The following EXD3 variants were observed in gnomAD, a reference collection of about 807,000 sequenced individuals.
EXD3 encodes exonuclease mut-7 homolog.
EXD3 carries 92 observed loss-of-function variants against 98.0 expected under a neutral mutation model. The observed-to-expected ratio is 0.94, with a 90% CI of 0.79 to 1.12. The LOEUF is 1.12. Among genes scored for constraint, EXD3 ranks in the 50% most tolerant of loss-of-function variants. The probability of loss-of-function intolerance (pLI) is 0.00; values close to 1 mark genes in which losing one functional copy is unlikely to be tolerated. For missense variants in EXD3, 1,222 were observed against 1,191.6 expected (o/e 1.03, Z -0.38); for synonymous variants, 569 against 526.0 (o/e 1.08, Z -1.12).
chr9:137,355,661 GAAGGAGAA>G (rs1834704098), intron 8 of EXD3, among the ~76,000 whole-genome samples: 5 of 122,038 alleles, frequency 4.1e-5, no homozygotes, highest in African/African-American at 1.5e-4. Flanking sequence ...GAGGAAGGAG[GAAGGAGAA>G]AGGGAGGATG....
rs1459769482 is a variant in EXD3, at chr9:137,361,502, C to T, written c.656+4991G>A. On this transcript the variant is annotated intron_variant, in intron 7 of 21. Transcript: ENST00000340951. The stretch of plus-strand genomic sequence containing the variant: ...GTGGCTCATGCCTGTAATCCCAGCA[C>T]TTTGGGAGGCCAAGGTGGGTGGATT... 4.6e-5 allele frequency among the ~76,000 whole-genome samples: 2 copies of T among 43,874 alleles called. 1 individual carries two copies. The highest frequency in any genetic ancestry group is 6.2e-4 in the Admixed American group (2 of 3,228). The allele number at this position is 43,874 out of a possible 152,430, so 28.8% of individuals were successfully genotyped here.
At chr9:137,330,729 G>T (rs548513089) in intron 17 of EXD3, among the ~76,000 whole-genome samples, 1 of 152,250 alleles carries the variant, frequency 6.6e-6, no homozygotes, top group Non-Finnish European at 1.5e-5. Context: ...AGAGCTACAA[G>T]AATAAACCCG....
intron 17 of EXD3, among the ~76,000 whole-genome samples, chr9:137,339,496 CAAAAAA>C (rs57029740): frequency 8.1e-4 from 75 of 92,684 alleles, no homozygotes; most frequent in African/African-American, 2.7e-3. Context: ...GACGCCACTT[CAAAAAA>C]AAAAAAAAAA....
Position 137,405,280 on chromosome 9 carries a change from G to A in EXD3, c.-47-9876C>T, listed in dbSNP as rs982741306. Among the ~76,000 whole-genome samples the A allele has an allele frequency of 1.3e-5, 2 of 152,216 alleles. No individual in the cohort carries two copies. Among genetic ancestry groups the A allele is most frequent in the African/African-American group, 4.8e-5 (2 of 41,454 alleles). On this transcript the variant is annotated intron_variant, in intron 1 of 21. Coordinates refer to ENST00000340951, the MANE Select transcript of EXD3 (RefSeq NM_017820.5). This position sits in a 1 kb window ranked among gnomAD's most constrained non-coding sequence, Gnocchi z 4.1. ...GCCAGCACCCCCGGGGGAAGGCGGT[G>A]GGCACCCAGGGCCAGAGCAGGGGCC...
rs375007003 is a variant in EXD3, at chr9:137,383,328, C to A, written c.105G>T (p.Thr35=). The stretch of plus-strand genomic sequence containing the variant: ...GTCCACTCACCTGCTTCCGCTCCCG[C>A]GTGGACCACAGGGTCTGCAGGGCCT... ...LLQALQTLWS[T]RERKQLREEA... The change falls in exon 3 of 22, where the codon ACG becomes ACT. Residue 35 remains threonine, a synonymous_variant. Coordinates refer to ENST00000340951, the MANE Select transcript of EXD3 (RefSeq NM_017820.5). The A allele has an allele frequency of 6.5e-7, 1 of 1,550,108 alleles. No individual in the cohort carries two copies. The highest frequency in any genetic ancestry group is 1.2e-5 in the South Asian group (1 of 83,972).
At chr9:137,365,783 A>C (rs1835209882) in intron 7 of EXD3, 1 of 330,062 alleles carries the variant, frequency 3.0e-6, no homozygotes, top group Non-Finnish European at 5.9e-6. Flanking sequence ...ACGAAAACAC[A>C]CGTACACCTG....
chr9:137,385,047 G>A lies in EXD3; in HGVS notation c.56-1670C>T, dbSNP rs190140824. 4.6e-5 allele frequency among the ~76,000 whole-genome samples: 7 copies of A among 152,218 alleles called. No individual in the cohort carries two copies. Among genetic ancestry groups the A allele is most frequent in the Non-Finnish European group, 1.0e-4 (7 of 68,004 alleles). Reference sequence around the variant, plus strand: ...GCGGAGGTCGCAGTGAGCCGAGATCGGGCCACTGCACTCCAGCCTGGGCAA... The same window carrying A: ...GCGGAGGTCGCAGTGAGCCGAGATCAGGCCACTGCACTCCAGCCTGGGCAA... On this transcript the variant is annotated intron_variant, in intron 2 of 21. Coordinates refer to ENST00000340951, the MANE Select transcript of EXD3 (RefSeq NM_017820.5). This position sits in a 1 kb window ranked among gnomAD's most constrained non-coding sequence, Gnocchi z 4.4.
Position 137,373,585 on chromosome 9 carries a change from G to A in EXD3, c.135C>T (p.Ala45=), listed in dbSNP as rs1193228990. Residue 45 remains alanine (A), a synonymous_variant, in exon 4 of 22, where the codon GCC becomes GCT. Transcript: ENST00000340951. ...TRERKQLREE[A]WRGFAALDDP... is the part of the protein sequence containing the mutation. The stretch of plus-strand genomic sequence containing the variant: ...CGTCCAAGGCAGCAAACCCCCGCCA[G>A]GCTTCCTCCCGGAGCTGTGGAGACA... 6.2e-7 allele frequency: 1 copy of A among 1,601,964 alleles called. No homozygotes were observed. Among genetic ancestry groups the A allele is most frequent in the East Asian group, 2.3e-5 (1 of 44,388 alleles).
Position 137,367,971 on chromosome 9 carries a change from T to C in EXD3, c.481A>G (p.Thr161Ala), listed in dbSNP as rs1835356445. The C allele has an allele frequency of 1.7e-5, 27 of 1,611,588 alleles. No individual in the cohort carries two copies. The highest frequency in any genetic ancestry group is 2.2e-5 in the Non-Finnish European group (26 of 1,179,686). Residue 161 changes from threonine to alanine, a missense_variant, in exon 6 of 22, where the codon ACG (threonine) becomes GCG (alanine). Coordinates refer to ENST00000340951, the MANE Select transcript of EXD3 (RefSeq NM_017820.5). Reference sequence around the variant, plus strand: ...CCAAGCTCCGACTGCAGCTTCAACGTCGCGCCCAGCGTGGCTGCCTGGCAA... The same window carrying C: ...CCAAGCTCCGACTGCAGCTTCAACGCCGCGCCCAGCGTGGCTGCCTGGCAA... ...RFREAATLGA[T>A]LKLQSELGVE...
At position 137,347,572 on chromosome 9, in the gene EXD3, T is replaced by C. The variant is rs1186708850; in HGVS notation, c.1998+499A>G. 1.3e-5 allele frequency among the ~76,000 whole-genome samples: 2 copies of C among 151,804 alleles called. No individual in the cohort carries two copies. Among genetic ancestry groups the C allele is most frequent in the Non-Finnish European group, 2.9e-5 (2 of 67,934 alleles). The stretch of plus-strand genomic sequence containing the variant: ...GATTCTCGTGTCTCAGCCTCCTGAG[T>C]AGTTGGGATTACAGGCGCCCGCCAC... On this transcript the variant is annotated intron_variant, in intron 17 of 21. Coordinates refer to ENST00000340951, the MANE Select transcript of EXD3 (RefSeq NM_017820.5). The surrounding 1 kb of genome is among the most constrained non-coding windows in gnomAD (Gnocchi z 4.2).
At chr9:137,391,122 C>T (rs917910867) in intron 2 of EXD3, among the ~76,000 whole-genome samples, 1 of 152,164 alleles carries the variant, frequency 6.6e-6, no homozygotes, top group African/African-American at 2.4e-5. Context: ...CCTCGGCCGC[C>T]GCCCTTCCTC....
chr9:137,406,721 T>TC (rs1448714346), intron 1 of EXD3, among the ~76,000 whole-genome samples: 6 of 151,972 alleles, frequency 3.9e-5, no homozygotes, highest in Non-Finnish European at 7.4e-5. Flanking sequence ...TCTGGAAACT[T>TC]CCCTGGGCTC....
chr9:137,355,943 G>T (rs920825735), intron 8 of EXD3, among the ~76,000 whole-genome samples: 6 of 152,132 alleles, frequency 3.9e-5, no homozygotes, highest in African/African-American at 1.4e-4. Flanking sequence ...AGGGGCCTGG[G>T]AGGAGTGGCT....
At chr9:137,340,839 T>A (rs1833612465) in intron 17 of EXD3, among the ~76,000 whole-genome samples, 2 of 152,158 alleles carry the variant, frequency 1.3e-5, no homozygotes, top group Non-Finnish European at 2.9e-5. Flanking sequence ...AATATGTCAT[T>A]TTTCCCTAAA....
intron 3 of EXD3, among the ~76,000 whole-genome samples, chr9:137,382,411 G>A (rs920095493): frequency 4.6e-5 from 7 of 152,090 alleles, no homozygotes; most frequent in Admixed American, 6.5e-5. Context: ...GGCGGGACCC[G>A]GGGAGGCTCA....
Position 137,349,527 on chromosome 9 carries a change from C to G in EXD3, c.1499G>C (p.Arg500Pro), listed in dbSNP as rs571541545. 2 of 1,588,284 alleles carry G rather than the reference C, an allele frequency of 1.3e-6. No individual in the cohort carries two copies. The highest frequency in any genetic ancestry group is 2.2e-5 in the South Asian group (2 of 88,940). Residue 500 changes from arginine (R) to proline (P), a missense_variant, in exon 15 of 22, where the codon CGG becomes CCG. Coordinates refer to ENST00000340951, the MANE Select transcript of EXD3 (RefSeq NM_017820.5). This position sits in a 1 kb window ranked among gnomAD's most constrained non-coding sequence, Gnocchi z 7.4. ...MDLLLVHRQM[R>P]VASVPAPAVD... ...GGCTGGGGCTGGCACGCTCGCCACC[C>G]GCATCTGCTAAGACAGTGCCCTGCA...
Position 137,407,787 on chromosome 9 carries a change from T to C in EXD3, c.-47-12383A>G, listed in dbSNP as rs904482439. 2.0e-5 allele frequency among the ~76,000 whole-genome samples: 3 copies of C among 151,776 alleles called. No individual in the cohort carries two copies. Among genetic ancestry groups the C allele is most frequent in the Non-Finnish European group, 4.4e-5 (3 of 67,912 alleles). The stretch of plus-strand genomic sequence containing the variant: ...CTGGAGCCCACGGGTCCACAGGCAT[T>C]CGAGGTCTTGGATGCGCCGGCTGGA... On this transcript the variant is annotated intron_variant, in intron 1 of 21. Coordinates refer to ENST00000340951, the MANE Select transcript of EXD3 (RefSeq NM_017820.5). This position sits in a 1 kb window ranked among gnomAD's most constrained non-coding sequence, Gnocchi z 4.4.
chr9:137,355,814 C>T (rs1305887072), intron 8 of EXD3, among the ~76,000 whole-genome samples: 3 of 152,086 alleles, frequency 2.0e-5, no homozygotes, highest in Non-Finnish European at 4.4e-5. Flanking sequence ...ATTCAAGGGC[C>T]CCATGGAAGG....
intron 1 of EXD3, among the ~76,000 whole-genome samples, chr9:137,398,565 CCG>C (rs1564208382): frequency 6.6e-6 from 1 of 151,086 alleles, no homozygotes; most frequent in African/African-American, 2.4e-5. Flanking sequence ...ACACAGGCAA[CCG>C]CGTCCCCAAG....
Sources: allele counts gnomAD v4.1 joint callset (sites outside exome capture counted in the v4.1 genomes callset), GRCh38; gene constraint gnomAD v4.1.1; non-coding constraint Gnocchi (gnomAD v3.1); transcripts MANE v1.5; gene names NCBI Gene and HGNC (gene_info 2026-07-23, HGNC 2026-07-21).